Variants in EXOC2 observed in about 807,000 individuals in gnomAD.
EXOC2 encodes the protein exocyst complex component 2.
In EXOC2, 70 loss-of-function variants were observed where a neutral mutation model predicts 131.8. That is an observed-to-expected ratio of 0.53 (90% CI 0.44 to 0.65). The LOEUF (loss-of-function observed/expected upper bound fraction) is 0.65. EXOC2 is among the 30% of genes least tolerant of loss of function. EXOC2 has a pLI of 0.00. For missense variants in EXOC2, 923 were observed against 1,108.6 expected (o/e 0.83, Z 2.38); for synonymous variants, 411 against 398.4 (o/e 1.03, Z -0.38).
intron 13 of EXOC2, among the ~76,000 whole-genome samples, chr6:566,415 G>C (rs1010169095): frequency 6.6e-6 from 1 of 152,218 alleles, no homozygotes; most frequent in East Asian, 1.9e-4. Flanking sequence ...CCAGGTGGCT[G>C]AGACAGGCCG....
intron 15 of EXOC2, 90 bp downstream of exon 15, chr6:564,455 G>T (rs979020817): frequency 2.0e-6 from 3 of 1,516,638 alleles, no homozygotes; most frequent in East Asian, 2.3e-5. Context: ...AGAAAAAGAA[G>T]AATTTCTTCT....
At chr6:530,448 A>G (rs968968969) in intron 23 of EXOC2, among the ~76,000 whole-genome samples, 1 of 152,218 alleles carries the variant, frequency 6.6e-6, no homozygotes, top group Non-Finnish European at 1.5e-5. Context: ...GAGCTAGATA[A>G]CGACAAAACA....
At chr6:552,806 A>T (rs2127570811) in intron 21 of EXOC2, among the ~76,000 whole-genome samples, 1 of 152,282 alleles carries the variant, frequency 6.6e-6, no homozygotes, top group Non-Finnish European at 1.5e-5. Context: ...ATTCATACTT[A>T]CATATATAGT....
At chr6:495,127 C>CT (rs11335527) in intron 25 of EXOC2, among the ~76,000 whole-genome samples, 11,536 of 119,530 alleles carry the variant, frequency 0.097, 681 homozygotes, top group Middle Eastern at 0.21. Flanking sequence ...GGTGAACATT[C>CT]TTTTTTTTTT....
intron 22 of EXOC2, among the ~76,000 whole-genome samples, chr6:548,673 G>C (rs1453214811): frequency 6.6e-6 from 1 of 152,184 alleles, no homozygotes; most frequent in Non-Finnish European, 1.5e-5. Flanking sequence ...CAGCGGCTGT[G>C]TGTGCACGCG....
intron 25 of EXOC2, among the ~76,000 whole-genome samples, chr6:491,850 GTA>G (rs1481903978): frequency 1.3e-5 from 2 of 152,170 alleles, no homozygotes; most frequent in Non-Finnish European, 2.9e-5. Flanking sequence ...TTTAAATATT[GTA>G]TACCCTCATA....
chr6:575,721 A>T (rs982303510), intron 12 of EXOC2, among the ~76,000 whole-genome samples: 1 of 152,208 alleles, frequency 6.6e-6, no homozygotes, highest in Non-Finnish European at 1.5e-5. Context: ...ACAGACTAAC[A>T]CAGCTTAATA....
At chr6:668,484 C>T (rs1763714966) in intron 1 of EXOC2, among the ~76,000 whole-genome samples, 1 of 152,234 alleles carries the variant, frequency 6.6e-6, no homozygotes, top group Non-Finnish European at 1.5e-5. Flanking sequence ...GGTCCCTCAA[C>T]ACCCATCCCA....
chr6:642,782 T>G (rs931797857), intron 1 of EXOC2, among the ~76,000 whole-genome samples: 1 of 152,082 alleles, frequency 6.6e-6, no homozygotes, highest in Non-Finnish European at 1.5e-5. Context: ...GCACAGTAGG[T>G]AGAAGATATT....
At chr6:626,826 C>T (rs1761597430) in intron 4 of EXOC2, among the ~76,000 whole-genome samples, 1 of 152,140 alleles carries the variant, frequency 6.6e-6, no homozygotes, top group African/African-American at 2.4e-5. Context: ...CTCCTGACCT[C>T]AAGTGATCCG....
intron 1 of EXOC2, among the ~76,000 whole-genome samples, chr6:645,671 C>G (rs557828139): frequency 1.3e-5 from 2 of 152,130 alleles, no homozygotes; most frequent in East Asian, 3.9e-4. Context: ...TGGTATGTGA[C>G]AAAGAAGTGT....
chr6:679,425 T>C (rs1372078092), intron 1 of EXOC2: 4 of 152,176 alleles, frequency 2.6e-5, no homozygotes, highest in Non-Finnish European at 4.4e-5. Context: ...ACACAAGATA[T>C]TTAAGATGAT....
At chr6:646,631 T>C (rs1310754488) in intron 1 of EXOC2, among the ~76,000 whole-genome samples, 1 of 152,234 alleles carries the variant, frequency 6.6e-6, no homozygotes, top group Non-Finnish European at 1.5e-5. Flanking sequence ...TATTTTCACA[T>C]TTGACATCAG....
Position 619,476 on chromosome 6 carries a change from T to A in EXOC2, c.490A>T (p.Asn164Tyr). The A allele has an allele frequency of 6.2e-7, 1 of 1,614,122 alleles. No homozygotes were observed. Among genetic ancestry groups the A allele is most frequent in the Non-Finnish European group, 8.5e-7 (1 of 1,179,976 alleles). ...HGMSADFTSE[N>Y]FSAAWYLIEN... Reference sequence around the variant, plus strand: ...ATAAGATACCAGGCTGCTGAGAAATTCTCACTTGTAAAATCAGCACTCATT... The same window carrying A: ...ATAAGATACCAGGCTGCTGAGAAATACTCACTTGTAAAATCAGCACTCATT... The change falls in exon 5 of 28, where the codon AAT becomes TAT. Residue 164 changes from asparagine to tyrosine, a missense_variant. Asn to Tyr is a moderately radical substitution (Grantham distance 143). Transcript: ENST00000230449.
intron 23 of EXOC2, among the ~76,000 whole-genome samples, chr6:515,127 T>C (rs1581345228): frequency 6.6e-6 from 1 of 152,224 alleles, no homozygotes; most frequent in Admixed American, 6.5e-5. Flanking sequence ...TGTTATGGTA[T>C]AACAGCAGGA....
intron 22 of EXOC2, among the ~76,000 whole-genome samples, chr6:547,555 A>G (rs1756932690): frequency 6.6e-6 from 1 of 152,228 alleles, no homozygotes; most frequent in African/African-American, 2.4e-5. Context: ...ACTATGAAAA[A>G]CAGTGGCAGA....
intron 6 of EXOC2, among the ~76,000 whole-genome samples, chr6:613,851 T>C (rs887248095): frequency 6.6e-6 from 1 of 152,138 alleles, no homozygotes; most frequent in African/African-American, 2.4e-5. Context: ...CTGCACGTTG[T>C]GCACATGTAC....
At chr6:500,452 A>G (rs1360610481) in intron 23 of EXOC2, among the ~76,000 whole-genome samples, 1 of 152,218 alleles carries the variant, frequency 6.6e-6, no homozygotes, top group Non-Finnish European at 1.5e-5. Context: ...GACAGCTGCT[A>G]GTTGTGACTT....
chr6:603,379 A>G (rs1292063759), intron 7 of EXOC2, among the ~76,000 whole-genome samples: 1 of 151,746 alleles, frequency 6.6e-6, no homozygotes, highest in Non-Finnish European at 1.5e-5. Flanking sequence ...TGCTATACGG[A>G]CAGGATCATT....
Sources: gnomAD v4.1 joint callset for allele counts (sites outside exome capture counted in the v4.1 genomes callset) on GRCh38, gnomAD v4.1.1 for gene constraint, MANE v1.5 for transcripts, NCBI Gene and HGNC (gene_info 2026-07-23, HGNC 2026-07-21) for gene names.